Variants in AP4E1 observed in about 807,000 individuals in gnomAD.
AP4E1 encodes AP-4 complex subunit epsilon-1.
A neutral mutation model predicts 128.2 loss-of-function variants in AP4E1; 56 were observed. The observed-to-expected ratio is 0.44, with a 90% CI of 0.35 to 0.55. AP4E1 has a LOEUF of 0.55. Ranked by LOEUF, AP4E1 falls within the 20% of genes least tolerant of loss-of-function variation. AP4E1 has a pLI of 0.00. For synonymous variants in AP4E1, 484 were observed against 473.1 expected, an observed-to-expected ratio of 1.02 and a Z score of -0.30; for missense variants, 1,324 against 1,307.7, an observed-to-expected ratio of 1.01 and a Z score of -0.19.
At chr15:50,926,261 T>A (rs2063768597) in intron 5 of AP4E1, among the ~76,000 whole-genome samples, 1 of 151,740 alleles carries the variant, frequency 6.6e-6, no homozygotes, top group African/African-American at 2.4e-5. Context: ...CTCAGCCTCC[T>A]GAGTAGCTGG....
At chr15:50,986,144 T>C (rs2140917976) in intron 16 of AP4E1, among the ~76,000 whole-genome samples, 1 of 152,306 alleles carries the variant, frequency 6.6e-6, no homozygotes, top group African/African-American at 2.4e-5. Flanking sequence ...TTGTGATTTT[T>C]GCACATTGAT....
At chr15:50,934,059 A>T (rs554975612) in intron 7 of AP4E1, among the ~76,000 whole-genome samples, 1 of 152,088 alleles carries the variant, frequency 6.6e-6, no homozygotes, top group East Asian at 1.9e-4. Flanking sequence ...CTTCCTCATC[A>T]CAGTTATTCT....
intron 2 of AP4E1, 152 bp downstream of exon 2, chr15:50,912,301 A>G: frequency 1.3e-6 from 1 of 784,632 alleles, no homozygotes; most frequent in East Asian, 2.6e-5. Context: ...TGTTAACTTT[A>G]GCCTTTTATT....
At chr15:50,934,579 T>A in intron 7 of AP4E1, 45 bp from the exon 8 acceptor site, 1 of 1,342,208 alleles carries the variant, frequency 7.5e-7, no homozygotes, top group Non-Finnish European at 1.1e-6. Context: ...TTTTATTGGG[T>A]TAGAATACTA....
chr15:50,941,841 G>A, intron 10 of AP4E1, 66 bp downstream of exon 10: 5 of 1,217,150 alleles, frequency 4.1e-6, no homozygotes, highest in South Asian at 3.8e-5. Flanking sequence ...TTGGCATTGT[G>A]TAGAGAGATT....
At chr15:50,927,516 G>GTTTTT (rs11378934) in intron 5 of AP4E1, among the ~76,000 whole-genome samples, 1 of 140,266 alleles carries the variant, frequency 7.1e-6, no homozygotes. Flanking sequence ...CCTATTCAGA[G>GTTTTT]TTTTTTTTTT....
At chr15:50,954,448 A>G (rs968807859) in intron 13 of AP4E1, among the ~76,000 whole-genome samples, 7 of 152,162 alleles carry the variant, frequency 4.6e-5, no homozygotes, top group African/African-American at 1.7e-4. Context: ...TTTTCATTCA[A>G]TAGTTCAGTT....
chr15:50,933,201 C>G (rs1330952777), intron 7 of AP4E1, among the ~76,000 whole-genome samples: 3 of 152,138 alleles, frequency 2.0e-5, no homozygotes, highest in Non-Finnish European at 2.9e-5. Flanking sequence ...GTGGAACTTT[C>G]TTATAATGTT....
chr15:50,983,566 C>T (rs905788762), intron 15 of AP4E1, among the ~76,000 whole-genome samples: 2 of 152,160 alleles, frequency 1.3e-5, no homozygotes, highest in Non-Finnish European at 2.9e-5. Context: ...GAATCAGAAT[C>T]TGTGTTAACC....
At chr15:50,958,391 C>T in intron 13 of AP4E1, 101 bp from the exon 14 acceptor site, 3 of 985,352 alleles carry the variant, frequency 3.0e-6, no homozygotes, top group South Asian at 1.6e-5. Flanking sequence ...GTTTAATCTA[C>T]TTTAAATTCA....
Position 50,968,244 on chromosome 15 carries a change from T to A in AP4E1, c.1852-19T>A. The stretch of plus-strand genomic sequence containing the variant: ...GATAAATTTATTTAATTCCTAATTT[T>A]TGCTTAATTTTAATATAGGTAGATG... On this transcript the variant is annotated intron_variant, in intron 14 of 20. Transcript: ENST00000261842. 1 of 1,520,672 alleles carries A rather than the reference T, an allele frequency of 6.6e-7. No homozygotes were observed. Among genetic ancestry groups the A allele is most frequent in the East Asian group, 2.3e-5 (1 of 42,970 alleles). The allele number at this position is 1,520,672 out of a possible 1,614,324, so 94.2% of individuals were successfully genotyped here. A position where few individuals can be genotyped will look rare whatever the true frequency, so the allele number is the denominator to read the frequency against.
chr15:50,911,739 A>G (rs757841806), intron 1 of AP4E1, among the ~76,000 whole-genome samples: 20 of 152,244 alleles, frequency 1.3e-4, no homozygotes, highest in East Asian at 3.9e-4. Context: ...TGGCCTCCCA[A>G]AGTGCTGGGA....
intron 10 of AP4E1, chr15:50,945,610 A>G: frequency 2.6e-6 from 2 of 755,272 alleles, no homozygotes; most frequent in Non-Finnish European, 4.9e-6. Flanking sequence ...AAGTTGAAGC[A>G]GGGAGGTATA....
At chr15:50,955,144 G>C (rs186191032) in intron 13 of AP4E1, among the ~76,000 whole-genome samples, 16 of 152,160 alleles carry the variant, frequency 1.1e-4, no homozygotes, top group Admixed American at 7.2e-4. Flanking sequence ...ATAAACATAC[G>C]TGTGCATGTG....
chr15:50,931,116 C>A, intron 7 of AP4E1, 145 bp downstream of exon 7: 1 of 1,031,482 alleles, frequency 9.7e-7, no homozygotes, highest in Non-Finnish European at 1.5e-6. Context: ...TTGTAAGAAT[C>A]ACATAAATGC....
At chr15:50,991,993 A>G (rs1385997844) in intron 16 of AP4E1, among the ~76,000 whole-genome samples, 1 of 138,984 alleles carries the variant, frequency 7.2e-6, no homozygotes, top group Admixed American at 7.5e-5. Flanking sequence ...CTCCAGTGTT[A>G]TTGAGATATA....
chr15:50,949,878 G>A lies in AP4E1; in HGVS notation c.1369G>A (p.Val457Ile), dbSNP rs1478201529. The A allele has an allele frequency of 6.2e-7, 1 of 1,613,856 alleles. No homozygotes were observed. The highest frequency in any genetic ancestry group is 1.7e-5 in the Admixed American group (1 of 60,024). The change falls in exon 12 of 21, where the codon GTA becomes ATA. Residue 457 changes from valine to isoleucine, a missense_variant. Coordinates refer to ENST00000261842, the MANE Select transcript of AP4E1 (RefSeq NM_007347.5). ...TCAGACAATGAATGCTGTGTTTTCA[G>A]TAGGAGGAGATGTAATGCATCCTGA... The part of the protein sequence containing the change: ...FIQTMNAVFS[V>I]GGDVMHPDIP...
At chr15:50,927,332 T>C (rs1381037840) in intron 5 of AP4E1, among the ~76,000 whole-genome samples, 1 of 152,212 alleles carries the variant, frequency 6.6e-6, no homozygotes, top group Non-Finnish European at 1.5e-5. Flanking sequence ...CTGACGAATA[T>C]GAGGCAGAGC....
intron 15 of AP4E1, among the ~76,000 whole-genome samples, chr15:50,975,956 CAGAG>C (rs35121200): frequency 5.9e-4 from 87 of 147,876 alleles, no homozygotes; most frequent in Non-Finnish European, 7.6e-4. Context: ...ACAAAAGGGA[CAGAG>C]AGAGAGAGAG....
Sources: gnomAD v4.1 joint callset for allele counts (sites outside exome capture counted in the v4.1 genomes callset) on GRCh38, gnomAD v4.1.1 for gene constraint, MANE v1.5 for transcripts, NCBI Gene and HGNC (gene_info 2026-07-23, HGNC 2026-07-21) for gene names.